The following RBFOX1 variants were observed in gnomAD, a reference collection of about 807,000 sequenced individuals.
RBFOX1 encodes the protein RNA binding protein fox-1 homolog 1.
RBFOX1 carries 8 observed loss-of-function variants against 57.7 expected under a neutral mutation model. The ratio of observed to expected loss-of-function variants is 0.14; its 90% CI spans 0.08 to 0.25. The LOEUF (loss-of-function observed/expected upper bound fraction) is 0.25, where lower values mean the gene tolerates loss of function less well. Among genes scored for constraint, RBFOX1 ranks in the 10% least tolerant of loss-of-function variants. The pLI, the probability that RBFOX1 is intolerant of heterozygous loss-of-function variation, is 1.00. For missense variants in RBFOX1, 611 were observed against 548.5 expected, an observed-to-expected ratio of 1.11 and a Z score of -1.14; for synonymous variants, 326 against 222.4, an observed-to-expected ratio of 1.47 and a Z score of -4.15.
intron 14 of RBFOX1, among the ~76,000 whole-genome samples, chr16:7,696,684 T>G (rs1259388060): frequency 6.6e-6 from 1 of 152,150 alleles, no homozygotes. Context: ...CCAAAGCACG[T>G]ATATGAATAA....
At chr16:5,595,010 G>C (rs979394879) in intron 2 of RBFOX1, among the ~76,000 whole-genome samples, 1 of 151,414 alleles carries the variant, frequency 6.6e-6, no homozygotes, top group Non-Finnish European at 1.5e-5. Context: ...GCCAGGTATG[G>C]TGGTGGGCAC....
rs2097069885 is a variant in RBFOX1 at position 6,182,324 on chromosome 16, G to A, written c.-126-134671G>A. Among the ~76,000 whole-genome samples, 3 of 152,154 alleles carry A rather than the reference G, an allele frequency of 2.0e-5. No individual in the cohort carries two copies. The South Asian group carries it at 6.2e-4, about 31-fold the overall frequency. ...CTGTTCTCTCTCACTTTCATAAAGT[G>A]TTGCTTCTTAATTGACATAAATAAT... On this transcript the variant is annotated intron_variant, in intron 1 of 15. Coordinates refer to ENST00000550418, the MANE Select transcript of RBFOX1 (RefSeq NM_018723.4).
intron 3 of RBFOX1, among the ~76,000 whole-genome samples, chr16:7,036,687 C>T (rs547862497): frequency 2.0e-5 from 3 of 150,238 alleles, no homozygotes; most frequent in South Asian, 2.1e-4. Context: ...AGCAAAACTC[C>T]GTCTCAAAAA....
Position 5,669,448 on chromosome 16 carries a change from G to A in RBFOX1, c.318+70487G>A, listed in dbSNP as rs549693203. On this transcript the variant is annotated intron_variant, in intron 3 of 19. Transcript: ENST00000641259. ...TTTTTTTTTTTTTTTTTTGGAGACA[G>A]AGTCTCGTTCTGTTAGGCTGGAGTG... 1.8e-4 allele frequency among the ~76,000 whole-genome samples: 23 copies of A among 124,986 alleles called. No individual in the cohort carries two copies. In the East Asian group the frequency reaches 5.2e-3, roughly 28 times the overall value. The allele number at this position is 124,986 out of a possible 152,430, so 82.0% of individuals were successfully genotyped here.
chr16:6,612,863 A>AAAAAAAATAAT (rs59339311), intron 2 of RBFOX1, among the ~76,000 whole-genome samples: 2 of 132,238 alleles, frequency 1.5e-5, no homozygotes, highest in African/African-American at 5.8e-5. Context: ...AAAAAAAAAA[A>AAAAAAAATAAT]AATAATAATA....
intron 1 of RBFOX1, among the ~76,000 whole-genome samples, chr16:6,230,846 A>T (rs2097453866): frequency 6.6e-6 from 1 of 152,334 alleles, no homozygotes; most frequent in Non-Finnish European, 1.5e-5. Flanking sequence ...AAACATATAC[A>T]TAAACTCCTT....
At chr16:6,643,233 A>T (rs368578270) in intron 2 of RBFOX1, among the ~76,000 whole-genome samples, 5 of 152,326 alleles carry the variant, frequency 3.3e-5, no homozygotes, top group East Asian at 3.9e-4. Context: ...CTTGCATAGG[A>T]CTTGGTGCTT....
chr16:5,973,105 CAG>C (rs2059995322), intron 4 of RBFOX1, among the ~76,000 whole-genome samples: 1 of 152,032 alleles, frequency 6.6e-6, no homozygotes, highest in Non-Finnish European at 1.5e-5. Context: ...TGTAAAGAGA[CAG>C]AGCTAAAAAT....
chr16:6,134,363 G>C (rs919954234), intron 1 of RBFOX1, among the ~76,000 whole-genome samples: 2 of 152,196 alleles, frequency 1.3e-5, no homozygotes, highest in Non-Finnish European at 2.9e-5. Context: ...TCTGGTTTCA[G>C]TGTAATCTTG....
At chr16:5,642,789 CT>C (rs1567337347) in intron 3 of RBFOX1, among the ~76,000 whole-genome samples, 1 of 152,110 alleles carries the variant, frequency 6.6e-6, no homozygotes, top group African/African-American at 2.4e-5. Flanking sequence ...GTGTTCTCCC[CT>C]GATGTGTGTC....
intron 4 of RBFOX1, among the ~76,000 whole-genome samples, chr16:5,889,767 A>G (rs1261771651): frequency 6.6e-6 from 1 of 152,208 alleles, no homozygotes; most frequent in African/African-American, 2.4e-5. Context: ...TGAGGAACTA[A>G]TGTTTTGATC....
chr16:6,366,083 C>G (rs2089550100), intron 2 of RBFOX1, among the ~76,000 whole-genome samples: 1 of 109,646 alleles, frequency 9.1e-6, no homozygotes, highest in Admixed American at 8.8e-5. Flanking sequence ...GGTGGCCATT[C>G]TATGTGTGTG....
intron 4 of RBFOX1, among the ~76,000 whole-genome samples, chr16:7,092,634 A>G (rs1454897745): frequency 6.6e-6 from 1 of 152,146 alleles, no homozygotes; most frequent in Non-Finnish European, 1.5e-5. Context: ...GTATTTGTTC[A>G]GTGGGTTGGT....
intron 5 of RBFOX1, among the ~76,000 whole-genome samples, chr16:7,547,677 T>C (rs1601534393): frequency 6.6e-6 from 1 of 152,228 alleles, no homozygotes; most frequent in Non-Finnish European, 1.5e-5. Context: ...AATTAGACTT[T>C]TAAATATTTT....
rs528555184 is a variant in RBFOX1 at position 6,412,215 on chromosome 16, A to T, written c.-64+95158A>T. ...TCAAATACTGGGTAATTTCCATATT[A>T]TACGAGTTAGAAACATGAATCTCAC... On this transcript the variant is annotated intron_variant, in intron 2 of 15. Transcript: ENST00000550418. Among the ~76,000 whole-genome samples, 5 of 152,282 alleles carry T rather than the reference A, an allele frequency of 3.3e-5. No homozygotes were observed. The East Asian group carries it at 9.7e-4, about 29-fold the overall frequency.
chr16:5,751,429 C>T (rs1160993260), intron 3 of RBFOX1, among the ~76,000 whole-genome samples: 2 of 152,202 alleles, frequency 1.3e-5, no homozygotes, highest in African/African-American at 4.8e-5. Context: ...ATACCGTCTC[C>T]ACCCAATAGA....
intron 4 of RBFOX1, among the ~76,000 whole-genome samples, chr16:7,267,941 G>C (rs1426758858): frequency 6.6e-6 from 1 of 152,104 alleles, no homozygotes; most frequent in East Asian, 1.9e-4. Context: ...TAATGGCAGG[G>C]GTACCGCTCT....
intron 2 of RBFOX1, among the ~76,000 whole-genome samples, chr16:6,579,178 G>A (rs1354089017): frequency 6.6e-6 from 1 of 152,052 alleles, no homozygotes; most frequent in African/African-American, 2.4e-5. Flanking sequence ...GCTTAGTTCT[G>A]TTTTTGTTTT....
At chr16:5,656,579 T>G (rs2049438294) in intron 3 of RBFOX1, among the ~76,000 whole-genome samples, 1 of 152,230 alleles carries the variant, frequency 6.6e-6, no homozygotes, top group Non-Finnish European at 1.5e-5. Flanking sequence ...TCTAAAAGTT[T>G]CTTCCTGATT....
Sources: allele counts gnomAD v4.1 joint callset (sites outside exome capture counted in the v4.1 genomes callset), GRCh38; gene constraint gnomAD v4.1.1; transcripts MANE v1.5; gene names NCBI Gene and HGNC (gene_info 2026-07-23, HGNC 2026-07-21).